The following RESF1 variants were observed in gnomAD, a reference collection of about 807,000 sequenced individuals.
RESF1 encodes gonad expressed transcript.
In RESF1, 65 loss-of-function variants were observed where a neutral mutation model predicts 134.7. That is an observed-to-expected ratio of 0.48 (90% CI 0.40 to 0.59). The LOEUF (loss-of-function observed/expected upper bound fraction) is 0.59, where lower values mean the gene tolerates loss of function less well. Ranked by LOEUF, RESF1 falls within the 20% of genes least tolerant of loss-of-function variation. The pLI is 0.00. For missense variants in RESF1, 2,274 were observed against 2,002.7 expected (o/e 1.14, Z -2.59); for synonymous variants, 762 against 702.2 (o/e 1.09, Z -1.35).
rs1282336857 is a variant in RESF1, at chr12:31,981,569, G to C, written c.614G>C (p.Gly205Ala). The change falls in exon 4 of 6, where the codon GGA (glycine) becomes GCA (alanine). Residue 205 changes from glycine (G) to alanine (A), a missense_variant. Coordinates refer to ENST00000312561, the MANE Select transcript of RESF1 (RefSeq NM_018169.4). ...TGGACACAACAGTGTATATCTAAGG[G>C]ACTGACTTACCCAGATTACAGACCA... is the stretch of plus-strand genomic sequence containing the variant. ...VDWTQQCISK[G>A]LTYPDYRPPP... The C allele has an allele frequency of 6.2e-7, 1 of 1,614,072 alleles. No individual in the cohort carries two copies. The highest frequency in any genetic ancestry group is 8.5e-7 in the Non-Finnish European group (1 of 1,180,012).
rs911799721 is a variant in RESF1, at chr12:31,971,623, T to G, written c.-79+1267T>G. 5.9e-5 allele frequency among the ~76,000 whole-genome samples: 9 copies of G among 152,382 alleles called. No individual in the cohort carries two copies. In the South Asian group the frequency reaches 1.7e-3, roughly 28 times the overall value. On this transcript the variant is annotated intron_variant, in intron 3 of 5. Transcript: ENST00000312561. ...GATATTATGAAATATATCTCTGGTC[T>G]TTATCCCTGTTTTCAGGCATACACT... is the stretch of plus-strand genomic sequence containing the variant.
intron 3 of RESF1, among the ~76,000 whole-genome samples, chr12:31,974,513 G>A (rs1939586971): frequency 1.3e-5 from 2 of 152,064 alleles, no homozygotes; most frequent in Non-Finnish European, 2.9e-5. Context: ...TCTTCTTGCT[G>A]TGTCCTAACG....
Position 31,984,276 on chromosome 12 carries a change from A to G in RESF1, c.3321A>G (p.Thr1107=), listed in dbSNP as rs1218321818. 1 of 1,613,846 alleles carries G rather than the reference A, an allele frequency of 6.2e-7. No homozygotes were observed. The highest frequency in any genetic ancestry group is 1.1e-5 in the South Asian group (1 of 91,034). ...ACCCAGCAGATCAAATACAAATTAC[A>G]ATATTAAGCTCAGAGCAAATGAAAG... is the stretch of plus-strand genomic sequence containing the variant. The part of the protein sequence containing the change: ...SKDPADQIQI[T]ILSSEQMKEI... Residue 1107 remains threonine, a synonymous_variant, in exon 4 of 6, where the codon ACA becomes ACG. Transcript: ENST00000312561.
intron 3 of RESF1, among the ~76,000 whole-genome samples, chr12:31,977,218 T>G (rs535285578): frequency 6.6e-6 from 1 of 152,320 alleles, no homozygotes; most frequent in South Asian, 2.1e-4. Flanking sequence ...TTCGCTTTTG[T>G]TGCCCAGGCT....
In RESF1 at chr12:31,983,948, T is replaced by C; in HGVS notation, c.2993T>C (p.Leu998Ser). ...TNRVILEKSS[L>S]EHATEKSTAN... is the part of the protein sequence containing the mutation. ...AGAGTTATTCTAGAGAAAAGTAGTT[T>C]GGAGCATGCCACTGAAAAAAGCACA... Residue 998 changes from leucine (L) to serine (S), a missense_variant, in exon 4 of 6, where the codon TTG (leucine) becomes TCG (serine). By Grantham distance (145) the Leu-to-Ser change is moderately radical. Coordinates refer to ENST00000312561, the MANE Select transcript of RESF1 (RefSeq NM_018169.4). The C allele has an allele frequency of 6.2e-7, 1 of 1,613,812 alleles. No homozygotes were observed. Among genetic ancestry groups the C allele is most frequent in the South Asian group, 1.1e-5 (1 of 91,020 alleles).
At chr12:31,977,369 C>T (rs540549676) in intron 3 of RESF1, among the ~76,000 whole-genome samples, 2 of 152,108 alleles carry the variant, frequency 1.3e-5, no homozygotes, top group East Asian at 3.9e-4. Context: ...TTAGTAGAGA[C>T]GGGGGCTTCA....
intron 2 of RESF1, among the ~76,000 whole-genome samples, chr12:31,967,379 T>G (rs1017611475): frequency 6.6e-6 from 1 of 152,240 alleles, no homozygotes; most frequent in Non-Finnish European, 1.5e-5. Flanking sequence ...CACATAGTTC[T>G]TTACATACAG....
Position 31,984,936 on chromosome 12 carries a change from A to G in RESF1, c.3981A>G (p.Val1327=). Residue 1327 remains valine, a synonymous_variant, in exon 4 of 6, where the codon GTA becomes GTG. Coordinates refer to ENST00000312561, the MANE Select transcript of RESF1 (RefSeq NM_018169.4). ...AGGAAACCCGACAGAAGAAACATGT[A>G]ACACAGAACTCACGTCCACTAAAAA... ...ASQETRQKKH[V]TQNSRPLKTK... 1 of 1,613,458 alleles carries G rather than the reference A, an allele frequency of 6.2e-7. No individual in the cohort carries two copies. Among genetic ancestry groups the G allele is most frequent in the Non-Finnish European group, 8.5e-7 (1 of 1,179,870 alleles).
In RESF1 at chr12:31,981,303, A is replaced by G. The variant is rs766221562; in HGVS notation, c.348A>G (p.Gln116=). 4.3e-6 allele frequency: 7 copies of G among 1,613,980 alleles called. No individual in the cohort carries two copies. The highest frequency in any genetic ancestry group is 4.0e-5 in the African/African-American group (3 of 74,914). The part of the protein sequence containing the change: ...HNLQMSSGVT[Q]NVWLNSPMRN... ...TGCAGATGTCTTCAGGAGTTACCCA[A>G]AACGTATGGTTGAACTCACCAATGA... The change falls in exon 4 of 6, where the codon CAA becomes CAG. Residue 116 remains glutamine, a synonymous_variant. Transcript: ENST00000312561.
Position 31,983,515 on chromosome 12 carries a change from G to A in RESF1, c.2560G>A (p.Val854Ile), listed in dbSNP as rs996868297. The A allele has an allele frequency of 3.1e-6, 5 of 1,613,930 alleles. No individual in the cohort carries two copies. In the Admixed American group the frequency reaches 6.7e-5, roughly 22 times the overall value. Residue 854 changes from valine (V) to isoleucine (I), a missense_variant, in exon 4 of 6, where the codon GTC becomes ATC. Coordinates refer to ENST00000312561, the MANE Select transcript of RESF1 (RefSeq NM_018169.4). The part of the protein sequence containing the change: ...TNGNSEVTPN[V>I]NQGKHNKLES... ...TGGTAATTCAGAAGTCACACCTAAT[G>A]TCAATCAAGGAAAGCATAACAAATT...
chr12:31,985,500 T>C lies in RESF1; in HGVS notation c.4545T>C (p.His1515=), dbSNP rs1195568281. 2.5e-6 allele frequency: 4 copies of C among 1,603,696 alleles called. No homozygotes were observed. In the Admixed American group the frequency reaches 5.3e-5, roughly 21 times the overall value. ...AATCATTAAATGGCTTGACAAGCCATGGTAAAAACCTCAAAATCCACCATT... is the reference window on the plus strand; with the variant it reads ...AATCATTAAATGGCTTGACAAGCCACGGTAAAAACCTCAAAATCCACCATT... ...SKESLNGLTS[H]GKNLKIHHSQ... The change falls in exon 4 of 6, where the codon CAT becomes CAC. Residue 1515 remains histidine (H), a synonymous_variant. Coordinates refer to ENST00000312561, the MANE Select transcript of RESF1 (RefSeq NM_018169.4).
In RESF1 at chr12:31,963,139, G is replaced by A. The variant is rs567259146; in HGVS notation, c.-247+2268G>A. Among the ~76,000 whole-genome samples the A allele has an allele frequency of 5.9e-5, 9 of 152,276 alleles. No homozygotes were observed. In the South Asian group the frequency reaches 1.7e-3, roughly 28 times the overall value. On this transcript the variant is annotated intron_variant, in intron 2 of 5. Coordinates refer to ENST00000312561, the MANE Select transcript of RESF1 (RefSeq NM_018169.4). The stretch of plus-strand genomic sequence containing the variant: ...CCAGCACTTTGGGAGGCCAAGGCAG[G>A]TGGATCATGAGGTCAGGAAATCGAG...
In RESF1 at chr12:31,982,164, A is replaced by G. The variant is rs745346245; in HGVS notation, c.1209A>G (p.Ile403Met). The G allele has an allele frequency of 4.3e-6, 7 of 1,612,296 alleles. No individual in the cohort carries two copies. The highest frequency in any genetic ancestry group is 5.9e-6 in the Non-Finnish European group (7 of 1,179,512). The change falls in exon 4 of 6, where the codon ATA becomes ATG. Residue 403 changes from isoleucine to methionine, a missense_variant. Coordinates refer to ENST00000312561, the MANE Select transcript of RESF1 (RefSeq NM_018169.4). ...LVRDIKTLVE[I>M]KQKFSELARK... ...GGGATATTAAAACATTAGTAGAGAT[A>G]AAACAGAAGTTTTCAGAACTTGCAA...
At position 31,981,969 on chromosome 12, in the gene RESF1, T is replaced by A; in HGVS notation, c.1014T>A (p.Thr338=). 6.2e-7 allele frequency: 1 copy of A among 1,614,210 alleles called. No homozygotes were observed. The highest frequency in any genetic ancestry group is 1.1e-5 in the South Asian group (1 of 91,086). The change falls in exon 4 of 6, where the codon ACT becomes ACA. Residue 338 remains threonine (T), a synonymous_variant. Coordinates refer to ENST00000312561, the MANE Select transcript of RESF1 (RefSeq NM_018169.4). ...ATGTCAGCACAATTGGAAATTTCACTAACTTGAAAGTAAATACCAACAGCA... is the reference window on the plus strand; with the variant it reads ...ATGTCAGCACAATTGGAAATTTCACAAACTTGAAAGTAAATACCAACAGCA... The part of the protein sequence containing the change: ...NENVSTIGNF[T]NLKVNTNSKQ...
In RESF1 at chr12:31,988,101, A is replaced by G. The variant is rs561566579; in HGVS notation, c.5086+779A>G. ...CTTAGTTTGCCAGACCCTGGATTCAATTATTTACATGTTAATTTGATTAAT... is the reference window on the plus strand; with the variant it reads ...CTTAGTTTGCCAGACCCTGGATTCAGTTATTTACATGTTAATTTGATTAAT... On this transcript the variant is annotated intron_variant, in intron 5 of 5. Transcript: ENST00000312561. Among the ~76,000 whole-genome samples, 21 of 152,302 alleles carry G rather than the reference A, an allele frequency of 1.4e-4. 3 individuals carry two copies. Among genetic ancestry groups the G allele is most frequent in the Admixed American group, 3.3e-4 (5 of 15,302 alleles).
Position 31,983,105 on chromosome 12 carries a change from G to A in RESF1, c.2150G>A (p.Cys717Tyr). 6.2e-7 allele frequency: 1 copy of A among 1,612,316 alleles called. No homozygotes were observed. The highest frequency in any genetic ancestry group is 8.5e-7 in the Non-Finnish European group (1 of 1,179,472). Residue 717 changes from cysteine (C) to tyrosine (Y), a missense_variant, in exon 4 of 6, where the codon TGT becomes TAT. Physicochemically the swap from Cys to Tyr is radical, Grantham distance 194. Transcript: ENST00000312561. ...GCTAACATCCACGTTAAGAGTCCTT[G>A]TTCAGTTGTGGGAAATTCAAATTCT... Reference protein sequence around the residue: ...KPANIHVKSPCSVVGNSNSQN... With the variant: ...KPANIHVKSPYSVVGNSNSQN...
chr12:31,990,690 C>T (rs926066709), intron 5 of RESF1, among the ~76,000 whole-genome samples: 2 of 152,194 alleles, frequency 1.3e-5, no homozygotes, highest in Non-Finnish European at 2.9e-5. Flanking sequence ...CCACCCACCT[C>T]AGCCTGCCAA....
chr12:31,992,738 C>A lies in RESF1; in HGVS notation c.*203C>A, dbSNP rs375774394. Reference sequence around the variant, plus strand: ...TGTGTAAGAAATGGATGGTATTCACCGGGGAAACAAGGTATTTGAATTTCT... The same window carrying A: ...TGTGTAAGAAATGGATGGTATTCACAGGGGAAACAAGGTATTTGAATTTCT... On this transcript the variant is annotated 3_prime_UTR_variant, in exon 6 of 6. Coordinates refer to ENST00000312561, the MANE Select transcript of RESF1 (RefSeq NM_018169.4). 1.6e-3 allele frequency: 920 copies of A among 563,866 alleles called. 1 individual carries two copies. Among genetic ancestry groups the A allele is most frequent in the Non-Finnish European group, 2.4e-3 (774 of 317,394 alleles). 34.9% of individuals were successfully genotyped at this position (563,866 alleles called of 1,614,324 possible). A position where few individuals can be genotyped will look rare whatever the true frequency, so the allele number is the denominator to read the frequency against.
intron 2 of RESF1, among the ~76,000 whole-genome samples, chr12:31,961,089 A>T (rs1939256094): frequency 6.6e-6 from 1 of 152,232 alleles, no homozygotes; most frequent in South Asian, 2.1e-4. Flanking sequence ...TCTTAGCAAA[A>T]TAAGGAAAGA....
Sources: allele counts gnomAD v4.1 joint callset (sites outside exome capture counted in the v4.1 genomes callset), GRCh38; gene constraint gnomAD v4.1.1; transcripts MANE v1.5; gene names NCBI Gene and HGNC (gene_info 2026-07-23, HGNC 2026-07-21).